CRLS1: variants seen among roughly 807,000 people sequenced by gnomAD.
The protein encoded by CRLS1 is cardiolipin synthase (CMP-forming).
In CRLS1, 24 loss-of-function variants were observed where a neutral mutation model predicts 37.0. That is an observed-to-expected ratio of 0.65 (90% CI 0.47 to 0.91). The LOEUF (loss-of-function observed/expected upper bound fraction) is 0.91. CRLS1 is among the 40% of genes least tolerant of loss of function. The probability of loss-of-function intolerance (pLI) is 0.00; values close to 1 mark genes in which losing one functional copy is unlikely to be tolerated. For missense variants in CRLS1, 373 were observed against 395.8 expected, an observed-to-expected ratio of 0.94 and a Z score of 0.49; for synonymous variants, 135 against 159.7, an observed-to-expected ratio of 0.85 and a Z score of 1.17.
intron 2 of CRLS1, among the ~76,000 whole-genome samples, chr20:6,011,572 CTTT>C (rs559511975): frequency 0.011 from 307 of 27,756 alleles, 3 homozygotes; most frequent in African/African-American, 0.017. Flanking sequence ...TTTGTCCCTG[CTTT>C]TTTTTTTTTT....
intron 3 of CRLS1, among the ~76,000 whole-genome samples, chr20:6,024,048 G>A (rs888142666): frequency 6.6e-6 from 1 of 151,886 alleles, no homozygotes; most frequent in African/African-American, 2.4e-5. Context: ...GACCTCTTGG[G>A]CTCAAGGGAT....
chr20:6,037,216 C>A lies in CRLS1; in HGVS notation c.*58C>A. On this transcript the variant is annotated 3_prime_UTR_variant, in exon 7 of 7. Transcript: ENST00000378863. Reference sequence around the variant, plus strand: ...AGTATACATCAATGGGAACAGGGCCCATGGAAATGTACAGGAGTTTCCCTA... The same window carrying A: ...AGTATACATCAATGGGAACAGGGCCAATGGAAATGTACAGGAGTTTCCCTA... 7.9e-7 allele frequency: 1 copy of A among 1,268,656 alleles called. No homozygotes were observed. The allele number at this position is 1,268,656 out of a possible 1,614,324, so 78.6% of individuals were successfully genotyped here.
At chr20:6,019,141 G>A (rs12480872) in intron 3 of CRLS1, among the ~76,000 whole-genome samples, 1,932 of 152,132 alleles carry the variant, frequency 0.013, 89 homozygotes, top group East Asian at 0.087. Flanking sequence ...TGTTAAAGCC[G>A]TTGAGGCCTG....
At chr20:6,015,086 C>T (rs1026985284) in intron 2 of CRLS1, among the ~76,000 whole-genome samples, 3 of 151,958 alleles carry the variant, frequency 2.0e-5, no homozygotes, top group Admixed American at 6.6e-5. Context: ...TTGGGTTCAT[C>T]CCACAAAGGG....
intron 2 of CRLS1, among the ~76,000 whole-genome samples, chr20:6,011,050 A>T (rs947551220): frequency 1.3e-5 from 2 of 152,082 alleles, no homozygotes; most frequent in African/African-American, 4.8e-5. Flanking sequence ...TTCATGCTGT[A>T]TAAAAACATA....
At chr20:6,018,814 A>G (rs2122959989) in intron 3 of CRLS1, among the ~76,000 whole-genome samples, 1 of 152,240 alleles carries the variant, frequency 6.6e-6, no homozygotes, top group Admixed American at 6.5e-5. Flanking sequence ...TTTTCCCTTT[A>G]GCTGTTCATG....
Position 6,009,770 on chromosome 20 carries a change from T to C in CRLS1, c.307-5T>C. 6.2e-7 allele frequency: 1 copy of C among 1,604,822 alleles called. No individual in the cohort carries two copies. Among genetic ancestry groups the C allele is most frequent in the Non-Finnish European group, 8.5e-7 (1 of 1,174,310 alleles). ...TACTTAAATTTTGTTGTCTTTGTGT[T>C]TCAGTATGAAAACCCATGGACAATC... On this transcript the variant is annotated splice_region_variant and splice_polypyrimidine_tract_variant and intron_variant, in intron 1 of 6. Transcript: ENST00000378863.
Position 6,032,009 on chromosome 20 carries a change from C to A in CRLS1, c.661-3C>A. ...TACTTTATCTTTTTTGGTCCTCTGC[C>A]AGCGAACACTTGCCAAGTATTTCAA... On this transcript the variant is annotated splice_polypyrimidine_tract_variant and splice_region_variant and intron_variant, in intron 4 of 6. Coordinates refer to ENST00000378863, the MANE Select transcript of CRLS1 (RefSeq NM_019095.6). The A allele has an allele frequency of 6.2e-7, 1 of 1,609,722 alleles. No homozygotes were observed. The highest frequency in any genetic ancestry group is 1.1e-5 in the South Asian group (1 of 90,444).
At chr20:6,022,468 A>G (rs1979357020) in intron 3 of CRLS1, among the ~76,000 whole-genome samples, 2 of 150,446 alleles carry the variant, frequency 1.3e-5, no homozygotes, top group African/African-American at 4.9e-5. Flanking sequence ...CCTTCTGAGT[A>G]GCTGGGACTA....
At chr20:6,007,285 T>C in intron 1 of CRLS1, 1 of 1,562,500 alleles carries the variant, frequency 6.4e-7, no homozygotes, top group Admixed American at 1.9e-5. Flanking sequence ...GGCCAGATCC[T>C]GGCAGGGGTC....
At chr20:6,006,774 AT>A in intron 1 of CRLS1, 1 of 984,776 alleles carries the variant, frequency 1.0e-6, no homozygotes, top group Non-Finnish European at 1.2e-6. Context: ...AAATCCTCTC[AT>A]CCCCCTTCTA....
chr20:6,033,399 G>A (rs530068275), intron 5 of CRLS1, among the ~76,000 whole-genome samples: 18 of 152,274 alleles, frequency 1.2e-4, no homozygotes, highest in South Asian at 2.1e-4. Context: ...GCCTCCCAAA[G>A]TGCTGGGCTT....
chr20:6,031,139 T>A (rs1980133397), intron 3 of CRLS1, 146 bp from the exon 4 acceptor site: 2 of 531,360 alleles, frequency 3.8e-6, no homozygotes, highest in Non-Finnish European at 6.4e-6. Flanking sequence ...TAGGGGACCC[T>A]AAACCATCGA....
rs150863778 is a variant in CRLS1, at chr20:6,014,205, C to G, written c.445-1156C>G. On this transcript the variant is annotated intron_variant, in intron 2 of 6. Transcript: ENST00000378863. ...CCCCTTTGAGGTAGGTAATTTATCT[C>G]TGTTTTACAGATGAGGAAACTAAGG... is the stretch of plus-strand genomic sequence containing the variant. Among the ~76,000 whole-genome samples, 155 of 152,306 alleles carry G rather than the reference C, an allele frequency of 1.0e-3. No homozygotes were observed. In the Middle Eastern group the frequency reaches 0.014, roughly 13 times the overall value.
At position 6,015,445 on chromosome 20, in the gene CRLS1, A is replaced by T. The variant is rs769793707; in HGVS notation, c.529A>T (p.Ile177Phe). 2.5e-6 allele frequency: 4 copies of T among 1,612,990 alleles called. No individual in the cohort carries two copies. The highest frequency in any genetic ancestry group is 3.4e-6 in the Non-Finnish European group (4 of 1,179,080). ...ALDPLADKIL[I>F]SILYVSLTYA... ...TGATCCACTTGCTGATAAAATACTT[A>T]TCAGTATCTTATATGTTAGCTTGAC... The change falls in exon 3 of 7, where the codon ATC becomes TTC. Residue 177 changes from isoleucine to phenylalanine, a missense_variant. By Grantham distance (21) the Ile-to-Phe change is conservative (BLOSUM62 0). Transcript: ENST00000378863.
At chr20:6,036,999 G>C (rs988586276) in intron 6 of CRLS1, 75 bp from the exon 7 acceptor site, 34 of 973,060 alleles carry the variant, frequency 3.5e-5, no homozygotes, top group Non-Finnish European at 4.8e-5. Context: ...TTCATTGCAT[G>C]TATTCATTAT....
At chr20:6,011,455 T>C (rs899241067) in intron 2 of CRLS1, among the ~76,000 whole-genome samples, 1 of 151,908 alleles carries the variant, frequency 6.6e-6, no homozygotes, top group African/African-American at 2.4e-5. Context: ...CCAAACCTGC[T>C]TCAAACATAG....
At position 6,015,462 on chromosome 20, in the gene CRLS1, T is replaced by C. The variant is rs1218784650; in HGVS notation, c.546T>C (p.Val182=). 2 of 1,613,106 alleles carry C rather than the reference T, an allele frequency of 1.2e-6. No individual in the cohort carries two copies. The highest frequency in any genetic ancestry group is 2.7e-5 in the African/African-American group (2 of 74,904). ...AAATACTTATCAGTATCTTATATGT[T>C]AGCTTGACCTATGCAGATCTTATTC... ...ADKILISILY[V]SLTYADLIPV... Residue 182 remains valine, a synonymous_variant, in exon 3 of 7, where the codon GTT becomes GTC. Coordinates refer to ENST00000378863, the MANE Select transcript of CRLS1 (RefSeq NM_019095.6).
intron 4 of CRLS1, among the ~76,000 whole-genome samples, chr20:6,031,617 A>G (rs908695238): frequency 3.9e-5 from 6 of 152,200 alleles, no homozygotes; most frequent in African/African-American, 1.4e-4. Context: ...TGAACATGGG[A>G]TGGTTTGTTT....
Sources: gnomAD v4.1 joint callset for allele counts (sites outside exome capture counted in the v4.1 genomes callset) on GRCh38, gnomAD v4.1.1 for gene constraint, MANE v1.5 for transcripts, NCBI Gene and HGNC (gene_info 2026-07-23, HGNC 2026-07-21) for gene names.